The following TBC1D30 variants were observed in gnomAD, a reference collection of about 807,000 sequenced individuals.
The protein encoded by TBC1D30 is TBC1 domain family member 30.
TBC1D30 carries 31 observed loss-of-function variants against 63.2 expected under a neutral mutation model. The ratio of observed to expected loss-of-function variants is 0.49; its 90% confidence interval spans 0.37 to 0.66. The LOEUF is 0.66. TBC1D30 is among the 30% of genes least tolerant of loss of function. TBC1D30 has a pLI of 0.00. For synonymous variants in TBC1D30, 307 were observed against 361.5 expected, an observed-to-expected ratio of 0.85 and a Z score of 1.71; for missense variants, 810 against 953.6, an observed-to-expected ratio of 0.85 and a Z score of 1.98.
intron 1 of TBC1D30, among the ~76,000 whole-genome samples, chr12:64,769,229 A>C (rs1870818787): frequency 6.6e-6 from 1 of 151,394 alleles, no homozygotes; most frequent in Non-Finnish European, 1.5e-5. Context: ...TTTTTGAGTC[A>C]GAGTCTCACT....
intron 3 of TBC1D30, among the ~76,000 whole-genome samples, chr12:64,829,053 G>A (rs753413615): frequency 4.2e-4 from 64 of 152,172 alleles, no homozygotes; most frequent in Non-Finnish European, 7.4e-4. Context: ...AACAAAGGGG[G>A]AAGCAATAGG....
rs1036137659 is a variant in TBC1D30, at chr12:64,876,437, T to C, written c.*649T>C. 2 of 162,680 alleles carry C rather than the reference T, an allele frequency of 1.2e-5. No homozygotes were observed. Among genetic ancestry groups the C allele is most frequent in the East Asian group, 1.7e-4 (1 of 5,786 alleles). The allele number at this position is 162,680 out of a possible 1,614,324, so 10.1% of individuals were successfully genotyped here. On this transcript the variant is annotated 3_prime_UTR_variant, in exon 12 of 12. Coordinates refer to ENST00000539867, the MANE Select transcript of TBC1D30 (RefSeq NM_015279.2). ...AACCTTTCATCTGTTGAAATTTCAA[T>C]CGATAACCCAGCTGAAGATCTTATG...
chr12:64,873,432 G>A (rs1210677325), intron 11 of TBC1D30, among the ~76,000 whole-genome samples: 3 of 152,146 alleles, frequency 2.0e-5, no homozygotes, highest in African/African-American at 4.8e-5. Flanking sequence ...GTAGATCATG[G>A]ACCCTAGGTT....
chr12:64,818,782 T>C (rs1592586423), intron 2 of TBC1D30: 2 of 152,204 alleles, frequency 1.3e-5, no homozygotes, highest in African/African-American at 2.4e-5. Context: ...GTTCATAATT[T>C]TCTCTCTCAT....
chr12:64,765,843 A>AC (rs928488354), intron 1 of TBC1D30, among the ~76,000 whole-genome samples: 6 of 150,876 alleles, frequency 4.0e-5, no homozygotes, highest in African/African-American at 1.5e-4. Context: ...AAAAAAAAAA[A>AC]AAAAATACAA....
chr12:64,780,982 G>T, exon 1 of TBC1D30: 3 of 1,055,432 alleles, frequency 2.8e-6, no homozygotes, highest in Non-Finnish European at 3.5e-6. Flanking sequence ...CCCGGGACAC[G>T]TGGGACGGCG....
At chr12:64,863,566 A>G (rs369820380) in intron 8 of TBC1D30, among the ~76,000 whole-genome samples, 60 of 152,366 alleles carry the variant, frequency 3.9e-4, no homozygotes, top group African/African-American at 1.4e-3. Flanking sequence ...AAGGAATTTT[A>G]GCCAACACCT....
chr12:64,830,269 G>A, intron 3 of TBC1D30, 108 bp from the exon 4 acceptor site: 2 of 1,112,358 alleles, frequency 1.8e-6, no homozygotes, highest in Admixed American at 2.4e-5. Flanking sequence ...TAGATAGCTG[G>A]TCTAGGGACA....
chr12:64,815,879 T>G (rs1873497363), intron 2 of TBC1D30, among the ~76,000 whole-genome samples: 1 of 152,080 alleles, frequency 6.6e-6, no homozygotes, highest in Non-Finnish European at 1.5e-5. Context: ...CTCGACCTCC[T>G]GGGCTCAGGT....
chr12:64,800,041 G>A (rs2136314780), intron 2 of TBC1D30, among the ~76,000 whole-genome samples: 1 of 152,310 alleles, frequency 6.6e-6, no homozygotes, highest in East Asian at 1.9e-4. Context: ...TGGAGGCGGA[G>A]GCTGCAGTGA....
intron 3 of TBC1D30, 144 bp downstream of exon 3, chr12:64,828,653 T>C (rs1284149361): frequency 3.1e-6 from 2 of 636,090 alleles, no homozygotes; most frequent in African/African-American, 1.8e-5. Context: ...TATTTATTGA[T>C]TATTCTGTGC....
chr12:64,776,425 TA>T (rs1168812119), upstream of TBC1D30, among the ~76,000 whole-genome samples: 1 of 152,084 alleles, frequency 6.6e-6, no homozygotes, highest in East Asian at 1.9e-4. Flanking sequence ...GTAAGGGGAA[TA>T]TTACCACTGA....
intron 8 of TBC1D30, among the ~76,000 whole-genome samples, chr12:64,848,610 T>A (rs1876596987): frequency 6.6e-6 from 1 of 152,332 alleles, no homozygotes; most frequent in African/African-American, 2.4e-5. Context: ...GAACTCACCC[T>A]TTTTTATGGC....
chr12:64,764,592 G>A (rs1341763596), intron 1 of TBC1D30, among the ~76,000 whole-genome samples: 2 of 152,174 alleles, frequency 1.3e-5, no homozygotes, highest in Non-Finnish European at 2.9e-5. Context: ...ACAAACAATT[G>A]CTCCAACTTT....
At chr12:64,859,339 T>C (rs1435846474) in intron 8 of TBC1D30, among the ~76,000 whole-genome samples, 1 of 152,086 alleles carries the variant, frequency 6.6e-6, no homozygotes, top group Non-Finnish European at 1.5e-5. Flanking sequence ...GATTGAGAGA[T>C]TGTATTTGCT....
At chr12:64,764,548 A>G (rs570661804) in intron 1 of TBC1D30, among the ~76,000 whole-genome samples, 3 of 152,218 alleles carry the variant, frequency 2.0e-5, no homozygotes, top group Non-Finnish European at 2.9e-5. Flanking sequence ...ACAAGTGACA[A>G]TAGTGAAGGA....
chr12:64,812,888 T>C (rs1873298222), intron 2 of TBC1D30, among the ~76,000 whole-genome samples: 1 of 152,034 alleles, frequency 6.6e-6, no homozygotes, highest in Non-Finnish European at 1.5e-5. Flanking sequence ...TCAAGTAACA[T>C]GTTAAAAAAA....
At chr12:64,801,266 G>C (rs1872570973) in intron 2 of TBC1D30, among the ~76,000 whole-genome samples, 1 of 152,330 alleles carries the variant, frequency 6.6e-6, no homozygotes, top group South Asian at 2.1e-4. Context: ...ATGTGTGTGA[G>C]ATGAATGGAT....
intron 2 of TBC1D30, chr12:64,787,263 C>A (rs1871649220): frequency 1.9e-6 from 1 of 524,542 alleles, no homozygotes; most frequent in Non-Finnish European, 2.4e-6. Flanking sequence ...GGTATAAAAC[C>A]TTGTGAATTA....
Sources: gnomAD v4.1 joint callset for allele counts (sites outside exome capture counted in the v4.1 genomes callset) on GRCh38, gnomAD v4.1.1 for gene constraint, MANE v1.5 for transcripts, NCBI Gene and HGNC (gene_info 2026-07-23, HGNC 2026-07-21) for gene names.